IL15: variants seen among roughly 807,000 people sequenced by gnomAD.
The protein encoded by IL15 is interleukin-15.
In IL15, 11 loss-of-function variants were observed where a neutral mutation model predicts 19.6. That is an observed-to-expected ratio of 0.56 (90% CI 0.35 to 0.93). The LOEUF (loss-of-function observed/expected upper bound fraction) is 0.93, where lower values mean the gene tolerates loss of function less well. Among genes scored for constraint, IL15 ranks in the 40% least tolerant of loss-of-function variants. The pLI is 0.01. For synonymous variants in IL15, 58 were observed against 59.6 expected, an observed-to-expected ratio of 0.97 and a Z score of 0.12; for missense variants, 197 against 186.5, an observed-to-expected ratio of 1.06 and a Z score of -0.33.
intron 2 of IL15, among the ~76,000 whole-genome samples, chr4:141,675,600 C>CG (rs1203133365): frequency 3.9e-5 from 6 of 152,136 alleles, no homozygotes; most frequent in Admixed American, 6.5e-5. Flanking sequence ...TAACACCCTA[C>CG]GGCCCACAGG....
chr4:141,705,233 C>T (rs1013770517), intron 2 of IL15, among the ~76,000 whole-genome samples: 1 of 151,890 alleles, frequency 6.6e-6, no homozygotes, highest in African/African-American at 2.4e-5. Context: ...AAACTTCCCT[C>T]TCAGAGTTTC....
intron 7 of IL15, among the ~76,000 whole-genome samples, chr4:141,730,571 T>C (rs1372768551): frequency 6.6e-6 from 1 of 152,148 alleles, no homozygotes; most frequent in African/African-American, 2.4e-5. Flanking sequence ...TGTTATCTCA[T>C]GAGAAGATAA....
chr4:141,704,354 G>A (rs1343472000), intron 2 of IL15, among the ~76,000 whole-genome samples: 1 of 151,966 alleles, frequency 6.6e-6, no homozygotes, highest in East Asian at 1.9e-4. Flanking sequence ...TGATTAGCTT[G>A]TTATACCATG....
At chr4:141,646,679 C>T (rs1250256550) in intron 1 of IL15, among the ~76,000 whole-genome samples, 1 of 152,098 alleles carries the variant, frequency 6.6e-6, no homozygotes, top group African/African-American at 2.4e-5. Context: ...ATACAGCTTA[C>T]ACATAGTCTA....
In IL15 at chr4:141,654,808, A is replaced by G. The variant is rs188280587; in HGVS notation, c.-221-1378A>G. Among the ~76,000 whole-genome samples the G allele has an allele frequency of 1.7e-4, 26 of 152,290 alleles. No homozygotes were observed. The East Asian group carries it at 4.8e-3, about 28-fold the overall frequency. On this transcript the variant is annotated intron_variant, in intron 1 of 7. Transcript: ENST00000320650. ...AGCTGAATTAGAGCTTTTTATTAAA[A>G]TATAAAAATATATTTTTAAAATATT...
chr4:141,687,056 T>A (rs1260592168), intron 2 of IL15, among the ~76,000 whole-genome samples: 1 of 152,224 alleles, frequency 6.6e-6, no homozygotes, highest in Non-Finnish European at 1.5e-5. Context: ...AAATGCCACA[T>A]TCTGACTTCC....
intron 5 of IL15, 57 bp from the exon 6 acceptor site, chr4:141,727,883 C>A: frequency 1.3e-6 from 1 of 770,394 alleles, no homozygotes. Flanking sequence ...AGGTTGTTCT[C>A]ATAATATTTA....
chr4:141,643,323 A>G (rs997943607), intron 1 of IL15, among the ~76,000 whole-genome samples: 1 of 151,974 alleles, frequency 6.6e-6, no homozygotes, highest in South Asian at 2.1e-4. Context: ...GCTCACTTCT[A>G]TATCTGCTTT....
At chr4:141,717,830 T>C (rs185369170) in intron 2 of IL15, 3 of 152,164 alleles carry the variant, frequency 2.0e-5, no homozygotes, top group Admixed American at 2.0e-4. Context: ...CCGGCTGATT[T>C]TGTATTTTTT....
chr4:141,722,036 C>T, intron 5 of IL15, 28 bp downstream of exon 5: 1 of 1,548,836 alleles, frequency 6.5e-7, no homozygotes, highest in Non-Finnish European at 8.8e-7. Flanking sequence ...CATAAAATGC[C>T]TGGTATAACT....
chr4:141,666,199 G>A (rs576294354), intron 2 of IL15, among the ~76,000 whole-genome samples: 2 of 151,948 alleles, frequency 1.3e-5, no homozygotes, highest in East Asian at 3.9e-4. Context: ...CTCCCGGGTT[G>A]ACGCCATTCT....
intron 2 of IL15, among the ~76,000 whole-genome samples, chr4:141,707,949 C>T (rs1729579613): frequency 6.6e-6 from 1 of 152,132 alleles, no homozygotes; most frequent in Admixed American, 6.5e-5. Context: ...ACAGCAATGC[C>T]AAGCATCCCT....
intron 2 of IL15, chr4:141,718,171 A>G (rs1172595956): frequency 6.6e-6 from 1 of 152,204 alleles, no homozygotes; most frequent in African/African-American, 2.4e-5. Flanking sequence ...CCTCACTGCT[A>G]TAAGAGGCCA....
chr4:141,693,015 TCA>T (rs1491167263), intron 2 of IL15, among the ~76,000 whole-genome samples: 1 of 11,826 alleles, frequency 8.5e-5, no homozygotes, highest in African/African-American at 4.8e-4. Flanking sequence ...AGACTCCGTC[TCA>T]AAAAAAAAAA....
chr4:141,688,675 T>G (rs1728787878), intron 2 of IL15: 1 of 152,254 alleles, frequency 6.6e-6, no homozygotes, highest in East Asian at 1.9e-4. Flanking sequence ...GCATTATATA[T>G]CTCTAGTTCT....
At chr4:141,646,169 C>T (rs145947371) in intron 1 of IL15, among the ~76,000 whole-genome samples, 2,035 of 152,074 alleles carry the variant, frequency 0.013, 28 homozygotes, top group Admixed American at 0.048. Flanking sequence ...AAAGGGTAAT[C>T]CGGTTAAAAT....
chr4:141,670,248 AGTTT>A (rs1728126881), intron 2 of IL15, among the ~76,000 whole-genome samples: 1 of 152,124 alleles, frequency 6.6e-6, no homozygotes, highest in Non-Finnish European at 1.5e-5. Context: ...AGTAATCTTT[AGTTT>A]ATGAGAGTAT....
At chr4:141,679,873 T>A (rs1728475708) in intron 2 of IL15, among the ~76,000 whole-genome samples, 3 of 152,146 alleles carry the variant, frequency 2.0e-5, no homozygotes, top group Admixed American at 2.0e-4. Context: ...AAATGAACAG[T>A]TAAATTAGAA....
At chr4:141,669,729 C>T (rs955300493) in intron 2 of IL15, among the ~76,000 whole-genome samples, 1 of 150,752 alleles carries the variant, frequency 6.6e-6, no homozygotes, top group East Asian at 1.9e-4. Context: ...GAAAATATTT[C>T]GGTCTTTGTG....
Sources: gnomAD v4.1 joint callset for allele counts (sites outside exome capture counted in the v4.1 genomes callset) on GRCh38, gnomAD v4.1.1 for gene constraint, MANE v1.5 for transcripts, NCBI Gene and HGNC (gene_info 2026-07-23, HGNC 2026-07-21) for gene names.